Variants in PTPRN2 observed in about 807,000 individuals in gnomAD.
PTPRN2 encodes protein tyrosine phosphatase receptor type N2.
PTPRN2 carries 74 observed loss-of-function variants against 118.8 expected under a neutral mutation model. That is an observed-to-expected ratio of 0.62 (90% CI 0.52 to 0.76). The LOEUF is 0.76. Among genes scored for constraint, PTPRN2 ranks in the 30% least tolerant of loss-of-function variants. The pLI, the probability that PTPRN2 is intolerant of heterozygous loss-of-function variation, is 0.00. For missense variants in PTPRN2, 1,481 were observed against 1,394.4 expected (o/e 1.06, Z -0.99); for synonymous variants, 641 against 608.0 (o/e 1.05, Z -0.80).
At chr7:157,889,144 G>T (rs1198169143) in intron 12 of PTPRN2, among the ~76,000 whole-genome samples, 1 of 152,098 alleles carries the variant, frequency 6.6e-6, no homozygotes, top group African/African-American at 2.4e-5. Flanking sequence ...AGCCCCAACT[G>T]ACGGAATGAC....
chr7:158,133,867 G>T lies in PTPRN2; in HGVS notation c.1366C>A (p.Leu456Met). 1 of 1,613,924 alleles carries T rather than the reference G, an allele frequency of 6.2e-7. No individual in the cohort carries two copies. The highest frequency in any genetic ancestry group is 8.5e-7 in the Non-Finnish European group (1 of 1,180,036). The change falls in exon 9 of 23, where the codon CTG becomes ATG. Residue 456 changes from leucine to methionine, a missense_variant. By Grantham distance (15) the Leu-to-Met change is conservative. This residue lies in a region of PTPRN2 where 1,115 missense variants were observed against 994.2 expected (regional missense o/e 1.12). Transcript: ENST00000389418. ...NVKSQTYSKD[L>M]LGQQPHSEPG... Reference sequence around the variant, plus strand: ...TCCGAATGCGGCTGCTGCCCCAGCAGATCTTTGGAATACGTCTGGCTCTTG... The same window carrying T: ...TCCGAATGCGGCTGCTGCCCCAGCATATCTTTGGAATACGTCTGGCTCTTG...
At chr7:158,057,141 C>T (rs1809855331) in intron 11 of PTPRN2, among the ~76,000 whole-genome samples, 1 of 152,234 alleles carries the variant, frequency 6.6e-6, no homozygotes, top group Non-Finnish European at 1.5e-5. Context: ...TATCATCAAT[C>T]CTCTGCAATT....
intron 12 of PTPRN2, among the ~76,000 whole-genome samples, chr7:157,715,198 C>T (rs958352543): frequency 6.6e-6 from 1 of 152,170 alleles, no homozygotes; most frequent in Non-Finnish European, 1.5e-5. Flanking sequence ...GAAATACCGA[C>T]AGGTGGGGAG....
At chr7:157,626,519 C>T (rs1422483064) in intron 14 of PTPRN2, among the ~76,000 whole-genome samples, 1 of 152,106 alleles carries the variant, frequency 6.6e-6, no homozygotes, top group East Asian at 1.9e-4. Context: ...ACCTACCCCA[C>T]CCCATGATCT....
chr7:157,693,364 G>T (rs1343129653), intron 12 of PTPRN2, among the ~76,000 whole-genome samples: 1 of 152,086 alleles, frequency 6.6e-6, no homozygotes, highest in Non-Finnish European at 1.5e-5. Context: ...TCCAGGACTG[G>T]AGGCCCGACC....
chr7:158,118,576 A>C (rs1448622100), intron 9 of PTPRN2, among the ~76,000 whole-genome samples: 1 of 152,228 alleles, frequency 6.6e-6, no homozygotes, highest in African/African-American at 2.4e-5. Context: ...AAATAGATTA[A>C]ACTCTCCAAT....
chr7:158,251,949 G>A (rs1195572376), intron 3 of PTPRN2, among the ~76,000 whole-genome samples: 1 of 152,156 alleles, frequency 6.6e-6, no homozygotes. Flanking sequence ...TCCCTAAGGG[G>A]AGGTCAGGGA....
At chr7:157,748,374 G>A (rs1291026220) in intron 12 of PTPRN2, among the ~76,000 whole-genome samples, 3 of 149,810 alleles carry the variant, frequency 2.0e-5, no homozygotes, top group Admixed American at 6.6e-5. Context: ...GCTGTGAGCT[G>A]CCTGGGTGAT....
intron 3 of PTPRN2, among the ~76,000 whole-genome samples, chr7:158,257,780 G>A (rs536436751): frequency 6.6e-6 from 1 of 152,248 alleles, no homozygotes; most frequent in Non-Finnish European, 1.5e-5. Context: ...CTGATGATGA[G>A]AATCACAGGG....
At position 157,622,697 on chromosome 7, in the gene PTPRN2, C is replaced by T. The variant is rs1302798124; in HGVS notation, c.2197-1188G>A. 2.6e-5 allele frequency among the ~76,000 whole-genome samples: 4 copies of T among 152,206 alleles called. No homozygotes were observed. Among genetic ancestry groups the T allele is most frequent in the African/African-American group, 7.2e-5 (3 of 41,462 alleles). ...ACCTGTGCTGTTTGCGCGACACCCC[C>T]GCATCTGGGTGGGTGTGGTGGTGAG... On this transcript the variant is annotated intron_variant, in intron 14 of 22. Transcript: ENST00000389418. This position sits in a 1 kb window ranked among gnomAD's most constrained non-coding sequence, Gnocchi z 5.3.
chr7:158,067,803 G>A (rs535809620), intron 11 of PTPRN2, among the ~76,000 whole-genome samples: 4 of 151,934 alleles, frequency 2.6e-5, no homozygotes, highest in South Asian at 2.1e-4. Flanking sequence ...ACACCGGGTC[G>A]GGTCAGGCTG....
intron 12 of PTPRN2, among the ~76,000 whole-genome samples, chr7:157,746,439 G>T (rs1206866977): frequency 6.8e-6 from 1 of 146,070 alleles, no homozygotes; most frequent in Non-Finnish European, 1.5e-5. Context: ...TGGAGATCAC[G>T]GGACTCCCTA....
chr7:158,086,822 G>A lies in PTPRN2; in HGVS notation c.1644-5445C>T, dbSNP rs189281593. 4.7e-3 allele frequency among the ~76,000 whole-genome samples: 715 copies of A among 152,040 alleles called. 2 individuals are homozygous for A. The highest frequency in any genetic ancestry group is 0.014 in the Middle Eastern group (4 of 294). On this transcript the variant is annotated intron_variant, in intron 10 of 22. Transcript: ENST00000389418. Reference sequence around the variant, plus strand: ...ATTAATTTGCAAATACAGAATCTGCGAATGAACAGGATCATCGACTGCCTA... The same window carrying A: ...ATTAATTTGCAAATACAGAATCTGCAAATGAACAGGATCATCGACTGCCTA...
chr7:157,669,477 A>G, intron 13 of PTPRN2: 1 of 466,464 alleles, frequency 2.1e-6, no homozygotes, highest in South Asian at 1.5e-5. Flanking sequence ...CGCCCAAGCC[A>G]GGGCCACAGA....
intron 2 of PTPRN2, among the ~76,000 whole-genome samples, chr7:158,350,930 T>TC (rs1684343269): frequency 6.6e-6 from 1 of 152,132 alleles, no homozygotes; most frequent in South Asian, 2.1e-4. Flanking sequence ...GCTCATTCTC[T>TC]CCCCCAGCGT....
Position 158,017,749 on chromosome 7 carries a change from TG to T in PTPRN2, c.1723+63548del, listed in dbSNP as rs1166725077. 1.2e-4 allele frequency among the ~76,000 whole-genome samples: 18 copies of T among 152,212 alleles called. No homozygotes were observed. The South Asian group carries it at 1.5e-3, about 12-fold the overall frequency. On this transcript the variant is annotated intron_variant, in intron 11 of 22. Coordinates refer to ENST00000389418, the MANE Select transcript of PTPRN2 (RefSeq NM_002847.5). ...CAAAGGAGGAGCACCCAGCCAGGGC[TG>T]GGCGGCCAGCAGGGACAGAAGGACG...
chr7:158,040,411 CACACAA>C (rs772001591), intron 11 of PTPRN2, among the ~76,000 whole-genome samples: 624 of 149,886 alleles, frequency 4.2e-3, no homozygotes, highest in East Asian at 9.1e-3. Context: ...CACACACACA[CACACAA>C]ACACACTGCA....
Position 158,003,287 on chromosome 7 carries a change from G to A in PTPRN2, c.1723+78011C>T, listed in dbSNP as rs1211298872. Among the ~76,000 whole-genome samples, 8 of 151,384 alleles carry A rather than the reference G, an allele frequency of 5.3e-5. No individual in the cohort carries two copies. Among genetic ancestry groups the A allele is most frequent in the Non-Finnish European group, 7.4e-5 (5 of 67,828 alleles). Reference sequence around the variant, plus strand: ...AAATTAGCCGGGCGTGTTGGCGGGCGCCTGTAGTCCCAGCTACTTGGGAGG... The same window carrying A: ...AAATTAGCCGGGCGTGTTGGCGGGCACCTGTAGTCCCAGCTACTTGGGAGG... On this transcript the variant is annotated intron_variant, in intron 11 of 22. Coordinates refer to ENST00000389418, the MANE Select transcript of PTPRN2 (RefSeq NM_002847.5). The surrounding 1 kb of genome is among the most constrained non-coding windows in gnomAD (Gnocchi z 5.0).
intron 2 of PTPRN2, among the ~76,000 whole-genome samples, chr7:158,384,077 G>T (rs765865010): frequency 6.6e-6 from 1 of 152,066 alleles, no homozygotes; most frequent in Non-Finnish European, 1.5e-5. Context: ...CTGTCTCATC[G>T]CTGGTCATCC....
Sources: allele counts gnomAD v4.1 joint callset (sites outside exome capture counted in the v4.1 genomes callset), GRCh38; gene constraint gnomAD v4.1.1; regional missense constraint gnomAD v4.1.1; non-coding constraint Gnocchi (gnomAD v3.1); transcripts MANE v1.5; gene names NCBI Gene and HGNC (gene_info 2026-07-23, HGNC 2026-07-21).